The following RGL1 variants were observed in gnomAD, a reference collection of about 807,000 sequenced individuals.
The protein encoded by RGL1 is ral guanine nucleotide dissociation stimulator-like 1.
A neutral mutation model predicts 95.2 loss-of-function variants in RGL1; 24 were observed. That is an observed-to-expected ratio of 0.25 (90% confidence interval 0.18 to 0.35). The LOEUF is 0.35. RGL1 is among the 10% of genes least tolerant of loss of function. The pLI is 1.00. For synonymous variants in RGL1, 329 were observed against 344.9 expected, an observed-to-expected ratio of 0.95 and a Z score of 0.51; for missense variants, 715 against 936.3, an observed-to-expected ratio of 0.76 and a Z score of 3.08.
chr1:183,893,115 A>C (rs958177905), intron 9 of RGL1, among the ~76,000 whole-genome samples: 8 of 152,222 alleles, frequency 5.3e-5, no homozygotes, highest in South Asian at 2.1e-4. Context: ...GAGAAGGTAA[A>C]TTAGTAGTTC....
At chr1:183,716,204 C>T (rs1270443852) in intron 1 of RGL1, among the ~76,000 whole-genome samples, 1 of 152,148 alleles carries the variant, frequency 6.6e-6, no homozygotes, top group South Asian at 2.1e-4. Flanking sequence ...TGTTTTTACA[C>T]TTCAAGAGGT....
chr1:183,670,530 A>G (rs1389176391), intron 1 of RGL1, among the ~76,000 whole-genome samples: 1 of 152,224 alleles, frequency 6.6e-6, no homozygotes, highest in Non-Finnish European at 1.5e-5. Flanking sequence ...GTCTTCACTG[A>G]GCCTCTAGCA....
chr1:183,793,228 G>T (rs1660521602), intron 2 of RGL1, among the ~76,000 whole-genome samples: 2 of 152,114 alleles, frequency 1.3e-5, no homozygotes, highest in Admixed American at 1.3e-4. Flanking sequence ...AAAACTGGAT[G>T]TTCATATGCA....
intron 12 of RGL1, among the ~76,000 whole-genome samples, chr1:183,903,844 A>G (rs992492869): frequency 6.6e-6 from 1 of 152,234 alleles, no homozygotes; most frequent in Non-Finnish European, 1.5e-5. Flanking sequence ...ACTAACCTGG[A>G]CAAATGTAAA....
chr1:183,725,851 A>G (rs762930645), intron 1 of RGL1, among the ~76,000 whole-genome samples: 3 of 152,232 alleles, frequency 2.0e-5, no homozygotes, highest in Non-Finnish European at 2.9e-5. Flanking sequence ...TAACAAATGC[A>G]AAATATACAT....
chr1:183,884,276 A>G (rs1666994436), intron 6 of RGL1, among the ~76,000 whole-genome samples: 1 of 152,248 alleles, frequency 6.6e-6, no homozygotes, highest in Non-Finnish European at 1.5e-5. Flanking sequence ...GGATCAAAGT[A>G]TAAGTTAGAA....
chr1:183,797,448 T>G (rs1660756620), intron 2 of RGL1, among the ~76,000 whole-genome samples: 1 of 152,248 alleles, frequency 6.6e-6, no homozygotes, highest in African/African-American at 2.4e-5. Flanking sequence ...TTGTTTCTTC[T>G]GTCTTCATTT....
intron 2 of RGL1, among the ~76,000 whole-genome samples, chr1:183,839,923 A>G (rs1229035341): frequency 6.6e-6 from 1 of 152,262 alleles, no homozygotes; most frequent in Non-Finnish European, 1.5e-5. Flanking sequence ...TTCTTTAATC[A>G]AAGTTTTATG....
chr1:183,819,079 G>A (rs762029055), intron 2 of RGL1, among the ~76,000 whole-genome samples: 2 of 152,170 alleles, frequency 1.3e-5, no homozygotes, highest in Non-Finnish European at 2.9e-5. Context: ...TGGGAACTCA[G>A]TTTCTGCTTT....
intron 1 of RGL1, among the ~76,000 whole-genome samples, chr1:183,720,939 G>A (rs1024581262): frequency 2.6e-5 from 4 of 152,142 alleles, no homozygotes; most frequent in African/African-American, 9.7e-5. Context: ...TTGGGTGGTG[G>A]TATAATTGAG....
intron 17 of RGL1, among the ~76,000 whole-genome samples, chr1:183,924,683 G>A (rs535038374): frequency 6.6e-5 from 10 of 151,994 alleles, no homozygotes; most frequent in African/African-American, 2.2e-4. Flanking sequence ...GGTGGCTCAC[G>A]CCTGTAATCC....
intron 10 of RGL1, among the ~76,000 whole-genome samples, chr1:183,899,383 CTG>C (rs1462993729): frequency 1.3e-5 from 2 of 152,182 alleles, no homozygotes; most frequent in African/African-American, 2.4e-5. Flanking sequence ...GTTTTCTTGA[CTG>C]TTTTTTATGA....
At chr1:183,742,159 T>A (rs1405070971) in exon 2 of RGL1, 2 of 1,613,858 alleles carry the variant, frequency 1.2e-6, no homozygotes, top group Non-Finnish European at 8.5e-7. Flanking sequence ...TCTTTCAAGA[T>A]GGAGGTGAAA....
chr1:183,708,374 T>C (rs1655051848), intron 1 of RGL1, among the ~76,000 whole-genome samples: 1 of 152,136 alleles, frequency 6.6e-6, no homozygotes, highest in African/African-American at 2.4e-5. Context: ...CACTGATCTC[T>C]CCCAAATTAA....
intron 1 of RGL1, chr1:183,647,645 G>A (rs2101989108): frequency 6.5e-7 from 1 of 1,545,654 alleles, no homozygotes; most frequent in South Asian, 1.2e-5. Context: ...TAAGTCCCTT[G>A]GTAATTGGTT....
At chr1:183,702,279 C>T (rs1232921065) in intron 1 of RGL1, among the ~76,000 whole-genome samples, 1 of 152,132 alleles carries the variant, frequency 6.6e-6, no homozygotes, top group Non-Finnish European at 1.5e-5. Context: ...AACTGCATTG[C>T]TTCCAGCCTT....
intron 1 of RGL1, among the ~76,000 whole-genome samples, chr1:183,727,764 G>T (rs1468545372): frequency 6.6e-6 from 1 of 152,158 alleles, no homozygotes; most frequent in Non-Finnish European, 1.5e-5. Flanking sequence ...AAGATTTCAG[G>T]ATGCAAAATT....
chr1:183,859,519 C>G (rs949555135), intron 3 of RGL1, among the ~76,000 whole-genome samples: 2 of 152,184 alleles, frequency 1.3e-5, no homozygotes, highest in Non-Finnish European at 2.9e-5. Flanking sequence ...ATCAGGTACT[C>G]TTTTGCTGTT....
chr1:183,701,920 G>A (rs549139606), intron 1 of RGL1, among the ~76,000 whole-genome samples: 32 of 152,128 alleles, frequency 2.1e-4, no homozygotes, highest in Non-Finnish European at 4.0e-4. Context: ...CTGGGTGACA[G>A]ACCAAGACTC....
Sources: gnomAD v4.1 joint callset for allele counts (sites outside exome capture counted in the v4.1 genomes callset) on GRCh38, gnomAD v4.1.1 for gene constraint, MANE v1.5 for transcripts, NCBI Gene and HGNC (gene_info 2026-07-23, HGNC 2026-07-21) for gene names.